Variants in GTF2F2 observed in about 807,000 individuals in gnomAD.
GTF2F2 encodes the protein ATP-dependent helicase GTF2F2.
A neutral mutation model predicts 42.2 loss-of-function variants in GTF2F2; 23 were observed. The observed-to-expected ratio is 0.55, with a 90% confidence interval of 0.39 to 0.77. GTF2F2 has a LOEUF of 0.77. GTF2F2 is among the 30% of genes least tolerant of loss of function. The probability of loss-of-function intolerance (pLI) is 0.00; values close to 1 mark genes in which losing one functional copy is unlikely to be tolerated. For synonymous variants in GTF2F2, 105 were observed against 100.8 expected (o/e 1.04, Z -0.25); for missense variants, 261 against 287.2 (o/e 0.91, Z 0.66).
intron 4 of GTF2F2, chr13:45,207,061 T>G (rs2138188855): frequency 5.7e-6 from 1 of 176,988 alleles, no homozygotes; most frequent in East Asian, 1.4e-4. Context: ...GATTTAGTGG[T>G]TTAGACTAGC....
chr13:45,163,812 CAG>C (rs1250469970), intron 4 of GTF2F2, among the ~76,000 whole-genome samples: 1 of 152,052 alleles, frequency 6.6e-6, no homozygotes, highest in African/African-American at 2.4e-5. Flanking sequence ...ATTATAAAAA[CAG>C]AGACAGGTTA....
chr13:45,172,673 A>C (rs1871657639), intron 4 of GTF2F2, among the ~76,000 whole-genome samples: 2 of 152,188 alleles, frequency 1.3e-5, no homozygotes, highest in African/African-American at 2.4e-5. Flanking sequence ...CCATGCAGCT[A>C]TCCAGTTTTT....
chr13:45,223,234 T>G (rs1874188253), intron 5 of GTF2F2, among the ~76,000 whole-genome samples: 1 of 124,202 alleles, frequency 8.1e-6, no homozygotes, highest in African/African-American at 3.1e-5. Flanking sequence ...CCCTCCAGCC[T>G]AGGTAACAGA....
At chr13:45,156,690 G>A (rs1870772359) in intron 4 of GTF2F2, among the ~76,000 whole-genome samples, 1 of 152,190 alleles carries the variant, frequency 6.6e-6, no homozygotes, top group Non-Finnish European at 1.5e-5. Flanking sequence ...TTGGAAGATT[G>A]AGAAGCCTAG....
intron 5 of GTF2F2, among the ~76,000 whole-genome samples, chr13:45,210,992 A>G (rs61949179): frequency 0.018 from 2,725 of 152,302 alleles, 34 homozygotes; most frequent in Admixed American, 0.028. Context: ...TCTTTTGAGG[A>G]TAGCTGGAGG....
intron 1 of GTF2F2, among the ~76,000 whole-genome samples, chr13:45,121,145 C>T (rs1234212505): frequency 6.6e-6 from 1 of 152,188 alleles, no homozygotes; most frequent in Non-Finnish European, 1.5e-5. Flanking sequence ...TGGTCCCTGC[C>T]TACTCTTAAA....
chr13:45,235,311 A>G (rs142202917), intron 5 of GTF2F2, among the ~76,000 whole-genome samples: 1 of 152,230 alleles, frequency 6.6e-6, no homozygotes, highest in East Asian at 1.9e-4. Flanking sequence ...CTAAATTCTC[A>G]AAACCAAACT....
intron 5 of GTF2F2, among the ~76,000 whole-genome samples, chr13:45,233,868 A>G (rs1169443661): frequency 6.6e-6 from 1 of 152,122 alleles, no homozygotes; most frequent in African/African-American, 2.4e-5. Context: ...AACCGAGATC[A>G]TGCCACCGCA....
intron 5 of GTF2F2, among the ~76,000 whole-genome samples, chr13:45,212,494 T>TCTTTCTTTCTTTCTTTCTTC (rs1873716045): frequency 8.3e-6 from 1 of 120,658 alleles, no homozygotes; most frequent in East Asian, 2.0e-4. Flanking sequence ...TTTCTTTCTT[T>TCTTTCTTTCTTTCTTTCTTC]CTTTCTTTCT....
intron 1 of GTF2F2, among the ~76,000 whole-genome samples, chr13:45,129,293 C>T (rs1000367418): frequency 3.3e-5 from 5 of 152,188 alleles, no homozygotes; most frequent in Non-Finnish European, 7.4e-5. Flanking sequence ...GCTGCAGCCT[C>T]GACCTCCCTG....
chr13:45,255,426 G>A (rs1343244372), intron 6 of GTF2F2, among the ~76,000 whole-genome samples: 2 of 152,192 alleles, frequency 1.3e-5, no homozygotes, highest in Admixed American at 6.5e-5. Flanking sequence ...GCTACACTAT[G>A]TGAGTTAAAC....
chr13:45,281,626 T>C (rs1406258477), intron 7 of GTF2F2, among the ~76,000 whole-genome samples: 1 of 152,180 alleles, frequency 6.6e-6, no homozygotes, highest in Non-Finnish European at 1.5e-5. Flanking sequence ...AGACTTTGAT[T>C]CAGTAGGCCC....
chr13:45,194,563 T>G, intron 4 of GTF2F2: 1 of 1,606,804 alleles, frequency 6.2e-7, no homozygotes, highest in Non-Finnish European at 8.5e-7. Flanking sequence ...TATTTTACGC[T>G]CCATTTTTTG....
intron 2 of GTF2F2, among the ~76,000 whole-genome samples, chr13:45,143,242 T>TTTATAGG (rs923184610): frequency 9.2e-5 from 14 of 152,238 alleles, no homozygotes; most frequent in African/African-American, 3.4e-4. Flanking sequence ...AGTATGTAGG[T>TTTATAGG]TTATAGGTTA....
At position 45,171,243 on chromosome 13, in the gene GTF2F2, A is replaced by G. The variant is rs571071498; in HGVS notation, c.304+19412A>G. Among the ~76,000 whole-genome samples, 11 of 152,004 alleles carry G rather than the reference A, an allele frequency of 7.2e-5. 1 individual carries two copies. The South Asian group carries it at 1.0e-3, about 14-fold the overall frequency. On this transcript the variant is annotated intron_variant, in intron 4 of 7. Transcript: ENST00000340473. ...CAGGTGCATGCCACCAGGCCCAGCTAACTTTTCTGTTTTTTAGTAGAGATG... is the reference window on the plus strand; with the variant it reads ...CAGGTGCATGCCACCAGGCCCAGCTGACTTTTCTGTTTTTTAGTAGAGATG...
intron 1 of GTF2F2, 81 bp downstream of exon 1, chr13:45,120,802 G>GT: frequency 2.0e-6 from 2 of 1,002,938 alleles, no homozygotes; most frequent in Non-Finnish European, 3.1e-6. Context: ...CGCTCCGTGC[G>GT]CCTCTTAAAG....
At chr13:45,232,430 C>T (rs546276100) in intron 5 of GTF2F2, among the ~76,000 whole-genome samples, 3 of 151,892 alleles carry the variant, frequency 2.0e-5, no homozygotes, top group South Asian at 4.2e-4. Context: ...AATTCAAGAC[C>T]AGCCTGGGTA....
chr13:45,135,058 A>G (rs920522377), intron 1 of GTF2F2, among the ~76,000 whole-genome samples: 2 of 151,940 alleles, frequency 1.3e-5, no homozygotes, highest in East Asian at 1.9e-4. Flanking sequence ...GGTTCAAGCA[A>G]TTCTCGTGCC....
chr13:45,233,058 G>T (rs981429151), intron 5 of GTF2F2, among the ~76,000 whole-genome samples: 1 of 152,106 alleles, frequency 6.6e-6, no homozygotes, highest in South Asian at 2.1e-4. Context: ...TTTATGAAAC[G>T]TACTCCATAT....
Sources: allele counts gnomAD v4.1 joint callset (sites outside exome capture counted in the v4.1 genomes callset), GRCh38; gene constraint gnomAD v4.1.1; transcripts MANE v1.5; gene names NCBI Gene and HGNC (gene_info 2026-07-23, HGNC 2026-07-21).